The following CNTN4 variants were observed in gnomAD, a reference collection of about 807,000 sequenced individuals.
CNTN4 encodes contactin 4.
In CNTN4, 77 loss-of-function variants were observed where a neutral mutation model predicts 122.5. The observed-to-expected ratio is 0.63, with a 90% confidence interval of 0.52 to 0.76. The LOEUF (loss-of-function observed/expected upper bound fraction) is 0.76, where lower values mean the gene tolerates loss of function less well. Ranked by LOEUF, CNTN4 falls within the 30% of genes least tolerant of loss-of-function variation. The probability of loss-of-function intolerance (pLI) is 0.00; values close to 1 mark genes in which losing one functional copy is unlikely to be tolerated. For missense variants in CNTN4, 1,256 were observed against 1,259.1 expected (o/e 1.00, Z 0.04); for synonymous variants, 512 against 447.0 (o/e 1.15, Z -1.83).
intron 3 of CNTN4, among the ~76,000 whole-genome samples, chr3:2,440,498 C>G (rs2048394759): frequency 6.6e-6 from 1 of 152,104 alleles, no homozygotes; most frequent in South Asian, 2.1e-4. Context: ...CTCAAGAGTT[C>G]CAGTTCCTCT....
At chr3:2,110,672 G>C (rs961384223) in intron 2 of CNTN4, 1 of 152,158 alleles carries the variant, frequency 6.6e-6, no homozygotes, top group African/African-American at 2.4e-5. Flanking sequence ...AACATTCTTA[G>C]TAAGAGTAAA....
chr3:2,957,765 C>T (rs1470543067), intron 13 of CNTN4, among the ~76,000 whole-genome samples: 8 of 62,068 alleles, frequency 1.3e-4, no homozygotes, highest in African/African-American at 4.0e-4. Context: ...ACAAAGGACA[C>T]GATTTTGTTC....
At chr3:2,744,803 TG>T (rs2089664190) in intron 5 of CNTN4, among the ~76,000 whole-genome samples, 2 of 152,198 alleles carry the variant, frequency 1.3e-5, no homozygotes, top group South Asian at 4.1e-4. Flanking sequence ...CCTGCTTTAC[TG>T]GGCTAAATAC....
intron 14 of CNTN4, among the ~76,000 whole-genome samples, chr3:2,998,742 G>A (rs1263058640): frequency 1.3e-5 from 2 of 152,266 alleles, no homozygotes; most frequent in Non-Finnish European, 1.5e-5. Flanking sequence ...AAATACAGTG[G>A]AAAAGTGAGG....
chr3:2,706,204 T>C (rs779016897), intron 4 of CNTN4, among the ~76,000 whole-genome samples: 4 of 151,698 alleles, frequency 2.6e-5, no homozygotes. Context: ...AGTGACATAA[T>C]GCATAATGCC....
intron 14 of CNTN4, among the ~76,000 whole-genome samples, chr3:3,025,878 CT>C (rs1381819383): frequency 2.0e-5 from 3 of 152,122 alleles, no homozygotes; most frequent in Non-Finnish European, 2.9e-5. Context: ...TTCTGTTGCT[CT>C]GAGAAGGTTC....
intron 6 of CNTN4, among the ~76,000 whole-genome samples, chr3:2,792,982 C>T (rs1204325615): frequency 2.0e-5 from 3 of 152,174 alleles, no homozygotes; most frequent in Non-Finnish European, 4.4e-5. Flanking sequence ...CCACCCATGA[C>T]CTGAGACATG....
chr3:2,120,132 C>T (rs1226954732), intron 2 of CNTN4, among the ~76,000 whole-genome samples: 3 of 151,458 alleles, frequency 2.0e-5, no homozygotes, highest in Non-Finnish European at 4.4e-5. Context: ...AATGTACAAA[C>T]AATCAAGTTG....
chr3:2,913,891 G>C (rs1159149649), intron 12 of CNTN4, among the ~76,000 whole-genome samples: 1 of 152,150 alleles, frequency 6.6e-6, no homozygotes, highest in Non-Finnish European at 1.5e-5. Context: ...GTGTCCAAAA[G>C]AGACCATATG....
chr3:2,925,895 A>C (rs1367499763), intron 13 of CNTN4, 116 bp downstream of exon 13: 2 of 872,102 alleles, frequency 2.3e-6, no homozygotes, highest in African/African-American at 3.4e-5. Context: ...ACTAAGTGTT[A>C]AAAAAAGAAC....
intron 8 of CNTN4, among the ~76,000 whole-genome samples, chr3:2,870,395 T>C (rs895887756): frequency 3.9e-5 from 6 of 152,188 alleles, no homozygotes; most frequent in Non-Finnish European, 7.3e-5. Context: ...CTGGAGTATA[T>C]AAAATGGACA....
chr3:2,580,864 G>A lies in CNTN4; in HGVS notation c.55+9306G>A, dbSNP rs532597170. On this transcript the variant is annotated intron_variant, in intron 4 of 24. Coordinates refer to ENST00000418658, the MANE Select transcript of CNTN4 (RefSeq NM_175607.3). ...GTATTATCCTAAGTTCATAGATAAG[G>A]GGTTACATGACCTACCAATAAAACC... Among the ~76,000 whole-genome samples the A allele has an allele frequency of 2.0e-5, 3 of 152,232 alleles. No homozygotes were observed. In the East Asian group the frequency reaches 5.8e-4, roughly 29 times the overall value.
chr3:2,698,802 G>A (rs1281809215), intron 4 of CNTN4, among the ~76,000 whole-genome samples: 1 of 152,168 alleles, frequency 6.6e-6, no homozygotes, highest in Non-Finnish European at 1.5e-5. Context: ...CGGATCACCT[G>A]AGGTCAGGAG....
At position 3,001,387 on chromosome 3, in the gene CNTN4, GGAGT is replaced by G. The variant is rs139000469; in HGVS notation, c.1486+12920_1486+12923del. On this transcript the variant is annotated intron_variant, in intron 14 of 24. Transcript: ENST00000418658. ...TTTTCCCAGATGCATCACTGGATAAGGAGTGAGTAAGAGGAAAAAAGAGGACAGG... is the reference window on the plus strand; with the variant it reads ...TTTTCCCAGATGCATCACTGGATAAGGAGTAAGAGGAAAAAAGAGGACAGG... Among the ~76,000 whole-genome samples, 399 of 152,312 alleles carry G rather than the reference GGAGT, an allele frequency of 2.6e-3. 1 individual carries two copies. The highest frequency in any genetic ancestry group is 9.1e-3 in the African/African-American group (377 of 41,568).
chr3:2,159,647 T>C (rs887213653), intron 2 of CNTN4, among the ~76,000 whole-genome samples: 31 of 152,200 alleles, frequency 2.0e-4, no homozygotes, highest in African/African-American at 7.2e-4. Flanking sequence ...CTGAGGACTA[T>C]TGCAGCATCT....
intron 2 of CNTN4, among the ~76,000 whole-genome samples, chr3:2,170,107 G>A (rs567395996): frequency 9.3e-4 from 142 of 151,894 alleles, no homozygotes; most frequent in Admixed American, 8.6e-3. Flanking sequence ...GGATCACAAG[G>A]TCAGGAGATC....
At chr3:2,233,507 C>T (rs1218075508) in intron 2 of CNTN4, among the ~76,000 whole-genome samples, 2 of 152,088 alleles carry the variant, frequency 1.3e-5, no homozygotes, top group Non-Finnish European at 2.9e-5. Context: ...TACTATTCAG[C>T]ATGTACTACT....
chr3:2,453,440 C>T (rs1271951441), intron 3 of CNTN4, among the ~76,000 whole-genome samples: 1 of 152,100 alleles, frequency 6.6e-6, no homozygotes, highest in African/African-American at 2.4e-5. Flanking sequence ...GTTGTTAGTA[C>T]TTATGAGGCA....
At chr3:2,988,148 A>G (rs1398983038) in intron 13 of CNTN4, among the ~76,000 whole-genome samples, 197 bp from the exon 14 acceptor site, 1 of 152,244 alleles carries the variant, frequency 6.6e-6, no homozygotes. Context: ...AATTAAAAAC[A>G]CTAAACAAGT....
Sources: gnomAD v4.1 joint callset for allele counts (sites outside exome capture counted in the v4.1 genomes callset) on GRCh38, gnomAD v4.1.1 for gene constraint, MANE v1.5 for transcripts, NCBI Gene and HGNC (gene_info 2026-07-23, HGNC 2026-07-21) for gene names.